Variants in GRIK4 observed in about 807,000 individuals in gnomAD.
The protein encoded by GRIK4 is glutamate receptor ionotropic, kainate 4.
Under a neutral mutation model 104.9 loss-of-function variants are expected in GRIK4, and 40 were observed. That is an observed-to-expected ratio of 0.38 (90% CI 0.30 to 0.50). The LOEUF is 0.50. GRIK4 is among the 20% of genes least tolerant of loss of function. The pLI, the probability that GRIK4 is intolerant of heterozygous loss-of-function variation, is 0.93. For missense variants in GRIK4, 1,047 were observed against 1,308.1 expected, an observed-to-expected ratio of 0.80 and a Z score of 3.08; for synonymous variants, 485 against 524.9, an observed-to-expected ratio of 0.92 and a Z score of 1.04.
At chr11:120,909,949 G>A (rs1942955705) in intron 13 of GRIK4, among the ~76,000 whole-genome samples, 1 of 152,146 alleles carries the variant, frequency 6.6e-6, no homozygotes, top group Non-Finnish European at 1.5e-5. Flanking sequence ...TGGGAGGTGG[G>A]GCCCAGTAAG....
Position 120,986,220 on chromosome 11 carries a change from T to C in GRIK4, c.2831T>C (p.Leu944Pro). ...TCGCCCGCCCGCAGCGAGGAGAGCC[T>C]GGAGTGGGAGAAAACCACCAACAGC... ...RPSPARSEES[L>P]EWEKTTNSSE... The change falls in exon 21 of 21, where the codon CTG becomes CCG. Residue 944 changes from leucine (L) to proline (P), a missense_variant. Physicochemically the swap from Leu to Pro is moderately conservative, Grantham distance 98. Coordinates refer to ENST00000527524, the MANE Select transcript of GRIK4 (RefSeq NM_014619.5). 6.4e-7 allele frequency: 1 copy of C among 1,568,312 alleles called. No individual in the cohort carries two copies. Among genetic ancestry groups the C allele is most frequent in the South Asian group, 1.1e-5 (1 of 88,578 alleles).
chr11:120,833,081 T>TTCCC (rs909203356), intron 7 of GRIK4, among the ~76,000 whole-genome samples: 1 of 152,006 alleles, frequency 6.6e-6, no homozygotes, highest in Admixed American at 6.5e-5. Context: ...TCTCCCCTCC[T>TTCCC]TCCCTCCCTC....
intron 1 of GRIK4, among the ~76,000 whole-genome samples, chr11:120,579,523 T>C (rs1948538362): frequency 6.6e-6 from 1 of 152,336 alleles, no homozygotes; most frequent in African/African-American, 2.4e-5. Flanking sequence ...TTGGATTTTA[T>C]TCTAAAATAA....
chr11:120,714,323 A>T (rs1950789267), intron 3 of GRIK4, among the ~76,000 whole-genome samples: 1 of 152,232 alleles, frequency 6.6e-6, no homozygotes, highest in African/African-American at 2.4e-5. Flanking sequence ...CAGAGTAAAG[A>T]TGAGGGGCTT....
intron 3 of GRIK4, among the ~76,000 whole-genome samples, chr11:120,800,079 C>G (rs1201741086): frequency 2.0e-5 from 3 of 151,552 alleles, no homozygotes; most frequent in Non-Finnish European, 4.4e-5. Context: ...GTCTCAAACT[C>G]ACGACCTCGG....
chr11:120,569,466 G>T (rs1445388318), intron 1 of GRIK4, among the ~76,000 whole-genome samples: 1 of 152,178 alleles, frequency 6.6e-6, no homozygotes, highest in East Asian at 1.9e-4. Context: ...CATTTTACAG[G>T]TCAGAAAACT....
At chr11:120,777,765 T>C (rs1335710120) in intron 3 of GRIK4, among the ~76,000 whole-genome samples, 2 of 152,070 alleles carry the variant, frequency 1.3e-5, no homozygotes, top group Non-Finnish European at 2.9e-5. Flanking sequence ...GGTGAAACCC[T>C]GTCCTTACTA....
Position 120,549,366 on chromosome 11 carries a change from A to G in GRIK4, c.-159+37479A>G, listed in dbSNP as rs1948117584. Among the ~76,000 whole-genome samples the G allele has an allele frequency of 1.3e-5, 2 of 152,110 alleles. No individual in the cohort carries two copies. The highest frequency in any genetic ancestry group is 1.3e-4 in the Admixed American group (2 of 15,278). On this transcript the variant is annotated intron_variant, in intron 1 of 20. Coordinates refer to ENST00000527524, the MANE Select transcript of GRIK4 (RefSeq NM_014619.5). The surrounding 1 kb of genome is among the most constrained non-coding windows in gnomAD (Gnocchi z 4.7). Reference sequence around the variant, plus strand: ...CATGATGCACCCACCTTGGACTCCCAAAGTGCTGGAATTATAGGCGTGAGC... The same window carrying G: ...CATGATGCACCCACCTTGGACTCCCGAAGTGCTGGAATTATAGGCGTGAGC...
chr11:120,947,840 C>A (rs575604318), intron 14 of GRIK4, among the ~76,000 whole-genome samples: 11 of 152,114 alleles, frequency 7.2e-5, no homozygotes, highest in Non-Finnish European at 1.3e-4. Context: ...GAGTGACTTG[C>A]CTAGCACCAC....
intron 1 of GRIK4, among the ~76,000 whole-genome samples, chr11:120,600,560 C>T (rs935420777): frequency 6.6e-6 from 1 of 152,096 alleles, no homozygotes; most frequent in African/African-American, 2.4e-5. Flanking sequence ...TGTTTTCCTC[C>T]CACAGTCAGG....
Position 120,865,999 on chromosome 11 carries a change from T to C in GRIK4, c.906+3879T>C, listed in dbSNP as rs866628290. Among the ~76,000 whole-genome samples the C allele has an allele frequency of 5.1e-4, 77 of 152,190 alleles. No homozygotes were observed. In the Middle Eastern group the frequency reaches 0.014, roughly 27 times the overall value. Reference sequence around the variant, plus strand: ...GAGAGGGGAAGAGGTGCCAGGCTCTTTTCAACAGCCAGTTCTTGTGGGAAC... The same window carrying C: ...GAGAGGGGAAGAGGTGCCAGGCTCTCTTCAACAGCCAGTTCTTGTGGGAAC... On this transcript the variant is annotated intron_variant, in intron 9 of 20. Transcript: ENST00000527524.
intron 1 of GRIK4, among the ~76,000 whole-genome samples, chr11:120,606,074 T>C (rs1948957048): frequency 6.6e-6 from 1 of 152,252 alleles, no homozygotes; most frequent in African/African-American, 2.4e-5. Context: ...ATCTGCTTGG[T>C]GCTTGATTTA....
chr11:120,710,289 A>G lies in GRIK4; in HGVS notation c.82+49889A>G, dbSNP rs574612756. 6.6e-5 allele frequency among the ~76,000 whole-genome samples: 10 copies of G among 152,300 alleles called. No homozygotes were observed. In the East Asian group the frequency reaches 1.7e-3, roughly 26 times the overall value. ...TCCATTTTTACAATAGAACAATTCT[A>G]TAATTTGCCAGATGAGAAAGCTGAG... On this transcript the variant is annotated intron_variant, in intron 3 of 20. Transcript: ENST00000527524.
Position 120,787,847 on chromosome 11 carries a change from C to CTTCTTTTTTTTTTTT in GRIK4, c.83-14844_83-14843insCTTTTTTTTTTTTTT, listed in dbSNP as rs1565352273. Reference sequence around the variant, plus strand: ...TTATATTTCTTCTCTTTTTTCTTTTCTTTTCTTTTTTTTTTTTTTTTTTTT... The same window carrying CTTCTTTTTTTTTTTT: ...TTATATTTCTTCTCTTTTTTCTTTTCTTCTTTTTTTTTTTTTTTTCTTTTTTTTTTTTTTTTTTTT... On this transcript the variant is annotated intron_variant, in intron 3 of 20. Coordinates refer to ENST00000527524, the MANE Select transcript of GRIK4 (RefSeq NM_014619.5). 2.3e-4 allele frequency among the ~76,000 whole-genome samples: 13 copies of CTTCTTTTTTTTTTTT among 55,576 alleles called. 1 individual carries two copies. The highest frequency in any genetic ancestry group is 8.9e-4 in the African/African-American group (13 of 14,526). 36.5% of individuals were successfully genotyped at this position (55,576 alleles called of 152,430 possible).
chr11:120,598,962 A>C (rs1948843245), intron 1 of GRIK4, among the ~76,000 whole-genome samples: 1 of 152,364 alleles, frequency 6.6e-6, no homozygotes, highest in Non-Finnish European at 1.5e-5. Context: ...GGGAGGGGCC[A>C]AGAAGCCCCA....
At chr11:120,878,159 G>A (rs1029309509) in intron 11 of GRIK4, among the ~76,000 whole-genome samples, 5 of 152,264 alleles carry the variant, frequency 3.3e-5, no homozygotes, top group East Asian at 1.9e-4. Flanking sequence ...CCTCCACAGC[G>A]GCTGCAGTTT....
intron 3 of GRIK4, among the ~76,000 whole-genome samples, chr11:120,669,237 C>T (rs565955356): frequency 6.6e-6 from 1 of 152,214 alleles, no homozygotes; most frequent in South Asian, 2.1e-4. Context: ...TTTTTGAAAC[C>T]TTATTTGAAT....
intron 12 of GRIK4, among the ~76,000 whole-genome samples, chr11:120,898,966 G>A (rs528947580): frequency 2.6e-5 from 4 of 152,228 alleles, no homozygotes; most frequent in East Asian, 1.9e-4. Context: ...CAGACCCTGC[G>A]GACCCCTGCC....
intron 1 of GRIK4, among the ~76,000 whole-genome samples, chr11:120,590,183 A>G (rs1394742454): frequency 1.3e-5 from 2 of 151,836 alleles, no homozygotes; most frequent in Non-Finnish European, 2.9e-5. Flanking sequence ...CTGACCCTGC[A>G]CCCTACTCAT....
Sources: gnomAD v4.1 joint callset for allele counts (sites outside exome capture counted in the v4.1 genomes callset) on GRCh38, gnomAD v4.1.1 for gene constraint, Gnocchi (gnomAD v3.1) non-coding constraint, MANE v1.5 for transcripts, NCBI Gene and HGNC (gene_info 2026-07-23, HGNC 2026-07-21) for gene names.